Variants in PAIP1 observed in about 807,000 individuals in gnomAD.
PAIP1 encodes the protein poly(A) binding protein interacting protein 1.
Under a neutral mutation model 61.3 loss-of-function variants are expected in PAIP1, and 16 were observed. That is an observed-to-expected ratio of 0.26 (90% CI 0.18 to 0.40). The LOEUF is 0.40. Ranked by LOEUF, PAIP1 falls within the 10% of genes least tolerant of loss-of-function variation. The pLI is 1.00. For missense variants in PAIP1, 416 were observed against 600.9 expected (o/e 0.69, Z 3.22); for synonymous variants, 187 against 226.2 (o/e 0.83, Z 1.56).
chr5:43,540,054 G>T (rs1747334437), intron 4 of PAIP1, among the ~76,000 whole-genome samples: 1 of 152,072 alleles, frequency 6.6e-6, no homozygotes, highest in Non-Finnish European at 1.5e-5. Flanking sequence ...TTTTAACAAA[G>T]AAAAAATAAA....
chr5:43,557,094 C>T, upstream of PAIP1: 1 of 632,144 alleles, frequency 1.6e-6, no homozygotes, highest in Non-Finnish European at 2.2e-6. Context: ...CCCCCAAAAC[C>T]CGGCTCCCCG....
intron 3 of PAIP1, among the ~76,000 whole-genome samples, chr5:43,544,431 GCTT>G (rs1359530270): frequency 6.6e-6 from 1 of 152,016 alleles, no homozygotes; most frequent in East Asian, 1.9e-4. Context: ...TTTTCCTTTA[GCTT>G]CTTTTTAGTG....
At chr5:43,549,979 C>CATGGGATACTGCCATGACATGAATA (rs1554040999) in intron 2 of PAIP1, among the ~76,000 whole-genome samples, 10 of 152,288 alleles carry the variant, frequency 6.6e-5, no homozygotes, top group South Asian at 2.1e-4. Context: ...CCAACTCGGC[C>CATGGGATACTGCCATGACATGAATA]TCCCAAAGCG....
At chr5:43,535,476 C>T in intron 7 of PAIP1, 58 bp downstream of exon 7, 2 of 949,900 alleles carry the variant, frequency 2.1e-6, no homozygotes, top group East Asian at 4.9e-5. Context: ...AAAACAATCT[C>T]CAAAGAAAAA....
At chr5:43,544,146 TAA>T (rs568177939) in intron 3 of PAIP1, among the ~76,000 whole-genome samples, 1,988 of 72,690 alleles carry the variant, frequency 0.027, 45 homozygotes, top group African/African-American at 0.058. Context: ...CCCATCTTTT[TAA>T]AAAAAAAAAA....
intron 6 of PAIP1, among the ~76,000 whole-genome samples, chr5:43,536,170 T>A (rs1747146298): frequency 6.6e-6 from 1 of 152,204 alleles, no homozygotes; most frequent in East Asian, 1.9e-4. Context: ...AGAGATGTAC[T>A]CATTCTGCTG....
chr5:43,554,381 C>G (rs1382505878), intron 2 of PAIP1, among the ~76,000 whole-genome samples: 2 of 152,154 alleles, frequency 1.3e-5, no homozygotes, highest in African/African-American at 4.8e-5. Context: ...AATTTTCTGG[C>G]AAGAACTCAA....
At chr5:43,545,082 A>C (rs900977807) in intron 3 of PAIP1, among the ~76,000 whole-genome samples, 3 of 152,196 alleles carry the variant, frequency 2.0e-5, no homozygotes, top group Non-Finnish European at 4.4e-5. Flanking sequence ...TTACTTTTGC[A>C]CAACTTTGTC....
intron 9 of PAIP1, among the ~76,000 whole-genome samples, chr5:43,531,794 G>GT (rs1746952453): frequency 6.6e-6 from 1 of 151,772 alleles, no homozygotes; most frequent in African/African-American, 2.4e-5. Context: ...TAACTTTTCT[G>GT]TAAGTTTGAA....
At chr5:43,553,179 TTGTC>T (rs1747929674) in intron 2 of PAIP1, among the ~76,000 whole-genome samples, 1 of 152,138 alleles carries the variant, frequency 6.6e-6, no homozygotes, top group South Asian at 2.1e-4. Flanking sequence ...GCATAATGGT[TTGTC>T]TGAGAAGAAA....
chr5:43,556,550 G>A (rs1579933470), intron 1 of PAIP1, 32 bp downstream of exon 1: 4 of 1,244,628 alleles, frequency 3.2e-6, no homozygotes, highest in Admixed American at 4.2e-5. Context: ...CGTTCGCCAA[G>A]GAGGACTGGG....
chr5:43,539,166 AAAG>A, intron 4 of PAIP1, 131 bp from the exon 5 acceptor site: 1 of 616,126 alleles, frequency 1.6e-6, no homozygotes, highest in Non-Finnish European at 2.9e-6. Flanking sequence ...TTTCTACAAT[AAAG>A]AAACTGTTCC....
chr5:43,538,050 C>G (rs1020355078), intron 5 of PAIP1, among the ~76,000 whole-genome samples: 1 of 151,412 alleles, frequency 6.6e-6, no homozygotes, highest in Admixed American at 6.6e-5. Context: ...AGTAATAATG[C>G]CGTGCTGAAT....
At chr5:43,547,042 CAA>C (rs766493987) in intron 3 of PAIP1, among the ~76,000 whole-genome samples, 276 of 35,550 alleles carry the variant, frequency 7.8e-3, no homozygotes, top group African/African-American at 0.037. Context: ...GACTCCATAT[CAA>C]AAAAAAAAAA....
At chr5:43,555,695 T>G (rs888777624) in intron 2 of PAIP1, 135 bp downstream of exon 2, 10 of 615,074 alleles carry the variant, frequency 1.6e-5, no homozygotes, top group Middle Eastern at 9.3e-4. Flanking sequence ...CTGAGTTCAA[T>G]AATTCAAAAC....
intron 2 of PAIP1, among the ~76,000 whole-genome samples, chr5:43,549,421 G>A (rs956395510): frequency 1.4e-4 from 21 of 152,192 alleles, no homozygotes; most frequent in African/African-American, 4.8e-4. Context: ...CAGTCTTTCC[G>A]GTGCTATTCT....
rs1423001735 is a variant in PAIP1, at chr5:43,533,759, G to A, written c.1231C>T (p.Pro411Ser). 6.3e-7 allele frequency: 1 copy of A among 1,589,088 alleles called. No individual in the cohort carries two copies. Among genetic ancestry groups the A allele is most frequent in the Non-Finnish European group, 8.6e-7 (1 of 1,157,362 alleles). ...ATACCTGGATCAGCTGCAGTGAAAG[G>A]AACACCATCAGATGTATAAAATGTT... ...EPTFYTSDGVPFTAADPDYQE... is the reference protein window; with the variant it reads ...EPTFYTSDGVSFTAADPDYQE... Residue 411 changes from proline to serine, a missense_variant, in exon 9 of 11, where the codon CCT becomes TCT. Pro to Ser is a moderately conservative substitution (Grantham distance 74). This residue lies in a region of PAIP1 where 135 missense variants were observed against 283.9 expected (regional missense o/e 0.48). Transcript: ENST00000306846.
chr5:43,531,822 G>T (rs1222388732), intron 9 of PAIP1, among the ~76,000 whole-genome samples: 1 of 151,894 alleles, frequency 6.6e-6, no homozygotes, highest in Non-Finnish European at 1.5e-5. Context: ...CCAAATAAAA[G>T]TTTAAGACGG....
chr5:43,535,653 G>C lies in PAIP1; in HGVS notation c.973-13C>G. On this transcript the variant is annotated splice_polypyrimidine_tract_variant and intron_variant, in intron 6 of 10. Transcript: ENST00000306846. ...CTGATCCTGTCAACTAAAAAAGCAG[G>C]TGTCAGTAAAATAAGAAATTCAATA... The C allele has an allele frequency of 7.3e-7, 1 of 1,361,678 alleles. No homozygotes were observed. The highest frequency in any genetic ancestry group is 1.1e-6 in the Non-Finnish European group (1 of 952,172). The allele number at this position is 1,361,678 out of a possible 1,614,324, so 84.3% of individuals were successfully genotyped here. A position where few individuals can be genotyped will look rare whatever the true frequency, so the allele number is the denominator to read the frequency against.
Sources: gnomAD v4.1 joint callset for allele counts (sites outside exome capture counted in the v4.1 genomes callset) on GRCh38, gnomAD v4.1.1 for gene constraint, gnomAD v4.1.1 regional missense constraint, MANE v1.5 for transcripts, NCBI Gene and HGNC (gene_info 2026-07-23, HGNC 2026-07-21) for gene names.